WWOX: variants seen among roughly 807,000 people sequenced by gnomAD.
The protein encoded by WWOX is WW domain containing oxidoreductase, also known as WW domain-containing oxidoreductase.
In WWOX, 69 loss-of-function variants were observed where a neutral mutation model predicts 46.2. The ratio of observed to expected loss-of-function variants is 1.49; its 90% CI spans 1.23 to 1.82. The LOEUF is 1.82. WWOX is among the 40% of genes most tolerant of loss of function. WWOX has a pLI of 0.00. For missense variants in WWOX, 919 were observed against 542.6 expected, an observed-to-expected ratio of 1.69 and a Z score of -6.89; for synonymous variants, 359 against 202.6, an observed-to-expected ratio of 1.77 and a Z score of -6.56.
chr16:79,112,611 A>C (rs573337145), intron 8 of WWOX, among the ~76,000 whole-genome samples: 6 of 152,234 alleles, frequency 3.9e-5, no homozygotes, highest in African/African-American at 1.2e-4. Context: ...TCTCGGTTTT[A>C]TTTCTCACTC....
At chr16:78,317,906 C>A (rs1030559154) in intron 5 of WWOX, among the ~76,000 whole-genome samples, 2 of 152,192 alleles carry the variant, frequency 1.3e-5, no homozygotes, top group Non-Finnish European at 2.9e-5. Flanking sequence ...GAAGACATTG[C>A]TAATCCCCTC....
chr16:78,150,074 C>T (rs756294215), intron 4 of WWOX, among the ~76,000 whole-genome samples: 1 of 152,158 alleles, frequency 6.6e-6, no homozygotes, highest in Non-Finnish European at 1.5e-5. Context: ...CTTCAAATGC[C>T]AGTAGCAAGT....
chr16:78,474,919 C>G (rs1463178854), intron 8 of WWOX, among the ~76,000 whole-genome samples: 1 of 152,078 alleles, frequency 6.6e-6, no homozygotes, highest in Non-Finnish European at 1.5e-5. Flanking sequence ...CTTGTTTTTT[C>G]TTACAAATAC....
rs113312150 is a variant in WWOX at position 78,943,537 on chromosome 16, G to T, written c.1057-268071G>T. 2.7e-3 allele frequency among the ~76,000 whole-genome samples: 416 copies of T among 152,310 alleles called. 3 individuals are homozygous for T. The highest frequency in any genetic ancestry group is 9.6e-3 in the African/African-American group (400 of 41,576). On this transcript the variant is annotated intron_variant, in intron 8 of 8. Coordinates refer to ENST00000566780, the MANE Select transcript of WWOX (RefSeq NM_016373.4). ...GGGGTTATCGAGCTTTATCAGAGCA[G>T]CCTTGCTCTTGCAGTTTCTGACACA...
At chr16:78,604,531 C>G (rs187853824) in intron 8 of WWOX, among the ~76,000 whole-genome samples, 164 of 152,266 alleles carry the variant, frequency 1.1e-3, no homozygotes, top group African/African-American at 3.7e-3. Context: ...TAGAAAAATA[C>G]AAAATAGTGA....
At chr16:78,836,538 T>C (rs780481504) in intron 8 of WWOX, among the ~76,000 whole-genome samples, 3 of 152,192 alleles carry the variant, frequency 2.0e-5, no homozygotes, top group African/African-American at 7.2e-5. Flanking sequence ...TAGTAAGTCA[T>C]CTATGTTGTT....
intron 5 of WWOX, among the ~76,000 whole-genome samples, chr16:78,384,069 T>C (rs1249778532): frequency 5.3e-5 from 8 of 152,162 alleles, no homozygotes. Flanking sequence ...AAATACTGCT[T>C]TGGGGTCGCC....
intron 8 of WWOX, among the ~76,000 whole-genome samples, chr16:78,823,775 CTTG>C (rs1567585207): frequency 8.4e-6 from 1 of 119,266 alleles, no homozygotes; most frequent in Non-Finnish European, 1.8e-5. Context: ...GCTTTCTAGA[CTTG>C]TTATTTTTTT....
intron 8 of WWOX, among the ~76,000 whole-genome samples, chr16:78,773,387 T>G (rs1038266295): frequency 6.6e-6 from 1 of 152,148 alleles, no homozygotes; most frequent in Non-Finnish European, 1.5e-5. Flanking sequence ...CATCCTCTGG[T>G]CCCACCCATG....
intron 8 of WWOX, among the ~76,000 whole-genome samples, chr16:78,502,988 A>G (rs1316997706): frequency 6.6e-6 from 1 of 152,182 alleles, no homozygotes; most frequent in Non-Finnish European, 1.5e-5. Context: ...TGATTACTAC[A>G]CAGCCTCGGC....
chr16:78,378,998 C>G (rs974995419), intron 5 of WWOX, among the ~76,000 whole-genome samples: 1 of 152,158 alleles, frequency 6.6e-6, no homozygotes, highest in South Asian at 2.1e-4. Context: ...AGCATTGGAA[C>G]CAGCCACATC....
intron 4 of WWOX, among the ~76,000 whole-genome samples, chr16:78,154,723 C>T (rs1291336957): frequency 3.3e-5 from 5 of 152,006 alleles, no homozygotes; most frequent in Admixed American, 2.6e-4. Flanking sequence ...TTTTCCAAGG[C>T]ATAGCTAGCA....
chr16:78,279,331 T>C (rs1283363645), intron 5 of WWOX, among the ~76,000 whole-genome samples: 2 of 152,188 alleles, frequency 1.3e-5, no homozygotes, highest in Non-Finnish European at 2.9e-5. Flanking sequence ...AGTTTCATTC[T>C]CCTATAAAAT....
intron 8 of WWOX, among the ~76,000 whole-genome samples, chr16:78,807,804 A>G (rs921352844): frequency 6.6e-5 from 10 of 152,254 alleles, no homozygotes; most frequent in Non-Finnish European, 1.0e-4. Context: ...ACATGTGGCT[A>G]TTTAAACTGA....
At chr16:78,615,649 C>G (rs1344996929) in intron 8 of WWOX, among the ~76,000 whole-genome samples, 4 of 151,668 alleles carry the variant, frequency 2.6e-5, no homozygotes, top group African/African-American at 4.8e-5. Flanking sequence ...GAGCAAGACC[C>G]CATTTCCAAA....
intron 5 of WWOX, among the ~76,000 whole-genome samples, chr16:78,317,890 G>A (rs1040829732): frequency 1.3e-5 from 2 of 152,160 alleles, no homozygotes; most frequent in Admixed American, 1.3e-4. Context: ...TTCTGTTTCT[G>A]TTTTAGAAGA....
At chr16:78,724,589 C>A (rs561668751) in intron 8 of WWOX, among the ~76,000 whole-genome samples, 2 of 152,214 alleles carry the variant, frequency 1.3e-5, no homozygotes, top group East Asian at 1.9e-4. Context: ...GGACATTGAC[C>A]CACTTATGTG....
At chr16:78,950,486 G>A (rs1340388718) in intron 8 of WWOX, among the ~76,000 whole-genome samples, 3 of 149,680 alleles carry the variant, frequency 2.0e-5, no homozygotes, top group Non-Finnish European at 3.0e-5. Context: ...TGAATTTGAG[G>A]AAAGACAAAG....
intron 8 of WWOX, among the ~76,000 whole-genome samples, chr16:78,631,238 G>T (rs1273154840): frequency 6.6e-6 from 1 of 152,130 alleles, no homozygotes; most frequent in Non-Finnish European, 1.5e-5. Context: ...GTGGATGCAG[G>T]TCAGTCGTGA....
Sources: gnomAD v4.1 joint callset for allele counts (sites outside exome capture counted in the v4.1 genomes callset) on GRCh38, gnomAD v4.1.1 for gene constraint, MANE v1.5 for transcripts, NCBI Gene and HGNC (gene_info 2026-07-23, HGNC 2026-07-21) for gene names.